Variants in ZNF534 observed in about 807,000 individuals in gnomAD.
ZNF534 encodes the protein zinc finger protein 534.
In ZNF534, 19 loss-of-function variants were observed where a neutral mutation model predicts 13.6. The ratio of observed to expected loss-of-function variants is 1.40; its 90% CI spans 0.97 to 2.05. ZNF534 has a LOEUF of 2.05. Ranked by LOEUF, ZNF534 falls within the 30% of genes most tolerant of loss-of-function variation. The pLI, the probability that ZNF534 is intolerant of heterozygous loss-of-function variation, is 0.00. For missense variants in ZNF534, 782 were observed against 796.3 expected (o/e 0.98, Z 0.22); for synonymous variants, 244 against 273.8 (o/e 0.89, Z 1.07).
Position 52,438,993 on chromosome 19 carries a change from A to G in ZNF534, c.1533A>G (p.Gln511=), listed in dbSNP as rs563306052. 1.2e-6 allele frequency: 2 copies of G among 1,603,684 alleles called. No homozygotes were observed. Among genetic ancestry groups the G allele is most frequent in the Admixed American group, 3.4e-5 (2 of 58,136 alleles). Residue 511 remains glutamine (Q), a synonymous_variant, in exon 5 of 5, where the codon CAA becomes CAG. Transcript: ENST00000433050. ...TCCGTCAGAATTCACACCTTGCACA[A>G]CATAGGGATATTCATACTGGAGAGA... The part of the protein sequence containing the change: ...KVFRQNSHLA[Q]HRDIHTGEKP...
intron 2 of ZNF534, among the ~76,000 whole-genome samples, chr19:52,433,567 C>A (rs538309356): frequency 1.6e-4 from 25 of 152,284 alleles, no homozygotes; most frequent in Admixed American, 3.9e-4. Flanking sequence ...GGGGTTTCAC[C>A]GTGTTGGCCA....
intron 2 of ZNF534, among the ~76,000 whole-genome samples, chr19:52,433,382 G>A (rs867241799): frequency 6.6e-6 from 1 of 151,094 alleles, no homozygotes; most frequent in African/African-American, 2.4e-5. Context: ...TTGGGGGGGG[G>A]AGGGGACGGA....
At chr19:52,432,759 A>C (rs2059096567) in intron 2 of ZNF534, among the ~76,000 whole-genome samples, 1 of 151,894 alleles carries the variant, frequency 6.6e-6, no homozygotes, top group Admixed American at 6.6e-5. Flanking sequence ...CAGCCTCCTG[A>C]GTAGCTGGGA....
chr19:52,447,297 A>G (rs2059197803), downstream of ZNF534, among the ~76,000 whole-genome samples: 2 of 152,356 alleles, frequency 1.3e-5, no homozygotes, highest in East Asian at 3.9e-4. Flanking sequence ...TCATCCTATT[A>G]TAACTAATAT....
intron 3 of ZNF534, among the ~76,000 whole-genome samples, chr19:52,434,299 C>T (rs1346640641): frequency 4.0e-5 from 6 of 151,466 alleles, no homozygotes; most frequent in Non-Finnish European, 7.4e-5. Flanking sequence ...ATCGAGACCA[C>T]GGTGAAACCC....
chr19:52,444,630 G>A (rs372386672), downstream of ZNF534, among the ~76,000 whole-genome samples: 52 of 152,130 alleles, frequency 3.4e-4, 2 homozygotes, highest in South Asian at 6.6e-3. Flanking sequence ...TGGGGGCAGG[G>A]CTAGGTGTGT....
At position 52,438,154 on chromosome 19, in the gene ZNF534, C is replaced by G; in HGVS notation, c.694C>G (p.His232Asp). The G allele has an allele frequency of 6.2e-7, 1 of 1,613,822 alleles. No homozygotes were observed. Among genetic ancestry groups the G allele is most frequent in the Non-Finnish European group, 8.5e-7 (1 of 1,179,904 alleles). ...TAGTAGCAATTCAAACTTTGCACAA[C>G]ATCAACGAATCCATACTGGAGAGAA... is the stretch of plus-strand genomic sequence containing the variant. ...IFSSNSNFAQ[H>D]QRIHTGEKPY... The change falls in exon 5 of 5, where the codon CAT becomes GAT. Residue 232 changes from histidine (H) to aspartate (D), a missense_variant. By Grantham distance (81) the His-to-Asp change is moderately conservative. This residue lies in a region of ZNF534 where 591 missense variants were observed against 574.0 expected (regional missense o/e 1.03). Coordinates refer to ENST00000433050, the MANE Select transcript of ZNF534 (RefSeq NM_001143938.3).
downstream of ZNF534, among the ~76,000 whole-genome samples, chr19:52,443,402 T>A (rs74605969): frequency 6.6e-6 from 1 of 152,192 alleles, no homozygotes; most frequent in Non-Finnish European, 1.5e-5. Context: ...TATTCTTAGG[T>A]TTCATCGTTT....
At chr19:52,443,045 G>A (rs753896231), downstream of ZNF534, among the ~76,000 whole-genome samples, 8 of 152,168 alleles carry the variant, frequency 5.3e-5, no homozygotes, top group South Asian at 2.1e-4. Context: ...TATTGATTAC[G>A]TGGTAGCAAT....
intron 3 of ZNF534, among the ~76,000 whole-genome samples, chr19:52,434,746 G>A (rs2434458): frequency 0.95 from 139,970 of 147,858 alleles, 66,491 homozygotes; most frequent in African/African-American, 0.98. Flanking sequence ...AAAAAAAAAA[G>A]AAAGAAATGT....
rs115087724 is a variant in ZNF534, at chr19:52,432,333, T to C, written c.15+844T>C. On this transcript the variant is annotated intron_variant, in intron 2 of 4. Transcript: ENST00000433050. The stretch of plus-strand genomic sequence containing the variant: ...GTAACTGTCAATTTACTTTTGATGC[T>C]GATCTGTTACTTAACTGTCTGATTC... Among the ~76,000 whole-genome samples the C allele has an allele frequency of 3.8e-3, 582 of 152,334 alleles. 6 individuals carry two copies. The highest frequency in any genetic ancestry group is 0.013 in the African/African-American group (560 of 41,584).
exon 5 of ZNF534, chr19:52,451,445 C>A: frequency 1.6e-6 from 1 of 619,180 alleles, no homozygotes; most frequent in Non-Finnish European, 2.9e-6. Flanking sequence ...GCGCCGCACG[C>A]CCCGGACGCT....
At chr19:52,435,037 T>G (rs768191109) in intron 3 of ZNF534, 44 bp from the exon 4 acceptor site, 2 of 1,592,244 alleles carry the variant, frequency 1.3e-6, no homozygotes, top group African/African-American at 1.4e-5. Context: ...GCTTGGACTT[T>G]GGAGATGCCA....
Position 52,438,401 on chromosome 19 carries a change from C to A in ZNF534, c.941C>A (p.Thr314Asn). 1 of 1,613,422 alleles carries A rather than the reference C, an allele frequency of 6.2e-7. No homozygotes were observed. The highest frequency in any genetic ancestry group is 8.5e-7 in the Non-Finnish European group (1 of 1,179,548). The change falls in exon 5 of 5, where the codon ACT (threonine) becomes AAT (asparagine). Residue 314 changes from threonine to asparagine, a missense_variant. Physicochemically the swap from Thr to Asn is moderately conservative, Grantham distance 65. Around this residue, in one of 5 missense-constraint regions of ZNF534, gnomAD observed 591 missense variants for 574.0 expected, o/e 1.03. Coordinates refer to ENST00000433050, the MANE Select transcript of ZNF534 (RefSeq NM_001143938.3). ...GCATTTAGTGTGTGTTCCAGTCTTA[C>A]TGCTCATCTTGTAATCCATACTGGA... ...GKAFSVCSSLTAHLVIHTGEK... is the reference protein window; with the variant it reads ...GKAFSVCSSLNAHLVIHTGEK...
chr19:52,446,412 AT>A (rs1399651205), downstream of ZNF534, among the ~76,000 whole-genome samples: 1 of 152,094 alleles, frequency 6.6e-6, no homozygotes, highest in African/African-American at 2.4e-5. Flanking sequence ...TAAAAAAGAG[AT>A]TTTTGTATGT....
chr19:52,430,588 T>C (rs547895178), intron 1 of ZNF534, among the ~76,000 whole-genome samples: 201 of 151,262 alleles, frequency 1.3e-3, no homozygotes, highest in African/African-American at 4.2e-3. Flanking sequence ...TCGCACTCTG[T>C]CACCCAGGCT....
At chr19:52,432,535 T>G (rs566462677) in intron 2 of ZNF534, among the ~76,000 whole-genome samples, 1 of 152,336 alleles carries the variant, frequency 6.6e-6, no homozygotes, top group Admixed American at 6.5e-5. Flanking sequence ...TGTAAATCAT[T>G]GAGAATAGTG....
Position 52,439,104 on chromosome 19 carries a change from GC to G in ZNF534, c.1646del (p.Pro549LeufsTer83). On this transcript the variant is annotated frameshift_variant, in exon 5 of 5. Transcript: ENST00000433050. LOFTEE classifies it low-confidence loss of function (END_TRUNC). ...ATAGGAATGTTCATACTGGAGAAAA[GC>G]CTTACAGTTGTAATGAATGTGGCAA... ...RHRNVHTGEK[P>X]YSCNECGKVF... 6.3e-7 allele frequency: 1 copy of G among 1,595,212 alleles called. No individual in the cohort carries two copies. Among genetic ancestry groups the G allele is most frequent in the Non-Finnish European group, 8.5e-7 (1 of 1,170,280 alleles).
At chr19:52,450,670 GTTT>G (rs796423133) in intron 4 of ZNF534, among the ~76,000 whole-genome samples, 5 of 37,768 alleles carry the variant, frequency 1.3e-4, no homozygotes, top group East Asian at 4.3e-4. Context: ...AATTTTAGGA[GTTT>G]TTTTTTTTTT....
Sources: allele counts gnomAD v4.1 joint callset (sites outside exome capture counted in the v4.1 genomes callset), GRCh38; gene constraint gnomAD v4.1.1; regional missense constraint gnomAD v4.1.1; transcripts MANE v1.5; gene names NCBI Gene and HGNC (gene_info 2026-07-23, HGNC 2026-07-21).